Variants in RBFOX1 observed in about 807,000 individuals in gnomAD.
RBFOX1 encodes RNA binding protein fox-1 homolog 1.
RBFOX1 carries 8 observed loss-of-function variants against 57.7 expected under a neutral mutation model. The observed-to-expected ratio is 0.14, with a 90% CI of 0.08 to 0.25. The LOEUF (loss-of-function observed/expected upper bound fraction) is 0.25. RBFOX1 is among the 10% of genes least tolerant of loss of function. The probability of loss-of-function intolerance (pLI) is 1.00; values close to 1 mark genes in which losing one functional copy is unlikely to be tolerated. For missense variants in RBFOX1, 611 were observed against 548.5 expected (o/e 1.11, Z -1.14); for synonymous variants, 326 against 222.4 (o/e 1.47, Z -4.15).
chr16:6,815,058 C>A (rs926568681), intron 3 of RBFOX1, among the ~76,000 whole-genome samples: 6 of 152,214 alleles, frequency 3.9e-5, no homozygotes, highest in African/African-American at 1.2e-4. Flanking sequence ...CATAGTTTTT[C>A]CCGGAAAGCG....
At chr16:7,162,488 G>C (rs921753735) in intron 4 of RBFOX1, among the ~76,000 whole-genome samples, 1 of 151,242 alleles carries the variant, frequency 6.6e-6, no homozygotes, top group Non-Finnish European at 1.5e-5. Flanking sequence ...CCAGCACTTT[G>C]AGAGGTTGAG....
At chr16:6,929,681 G>A (rs1354458203) in intron 3 of RBFOX1, among the ~76,000 whole-genome samples, 2 of 151,626 alleles carry the variant, frequency 1.3e-5, no homozygotes, top group Admixed American at 1.3e-4. Flanking sequence ...TAACTAGTGT[G>A]TTAGAGAATG....
intron 3 of RBFOX1, among the ~76,000 whole-genome samples, chr16:6,807,991 A>G (rs928813238): frequency 6.6e-6 from 1 of 150,488 alleles, no homozygotes; most frequent in Non-Finnish European, 1.5e-5. Flanking sequence ...CTGTATATAT[A>G]TATGCATAGA....
chr16:5,306,768 G>A (rs575128172), intron 1 of RBFOX1, among the ~76,000 whole-genome samples: 2 of 152,330 alleles, frequency 1.3e-5, no homozygotes, highest in South Asian at 4.1e-4. Context: ...ATCTGTTAGA[G>A]TCCCAGTCTG....
At chr16:6,281,948 C>T (rs2076418645) in intron 1 of RBFOX1, among the ~76,000 whole-genome samples, 3 of 151,994 alleles carry the variant, frequency 2.0e-5, no homozygotes, top group South Asian at 2.1e-4. Flanking sequence ...AAAATTAGGC[C>T]GTACTGCACA....
Position 7,677,440 on chromosome 16 carries a change from C to T in RBFOX1, c.995+602C>T, listed in dbSNP as rs74011981. Among the ~76,000 whole-genome samples, 215 of 152,146 alleles carry T rather than the reference C, an allele frequency of 1.4e-3. 3 individuals are homozygous for T. Among genetic ancestry groups the T allele is most frequent in the African/African-American group, 5.0e-3 (206 of 41,518 alleles). On this transcript the variant is annotated intron_variant, in intron 14 of 15. Coordinates refer to ENST00000550418, the MANE Select transcript of RBFOX1 (RefSeq NM_018723.4). Reference sequence around the variant, plus strand: ...GCCAGCTTTTATTTGTAATGTACACCACATGTTAAGGCAGGCAGTGGAAGG... The same window carrying T: ...GCCAGCTTTTATTTGTAATGTACACTACATGTTAAGGCAGGCAGTGGAAGG...
intron 1 of RBFOX1, among the ~76,000 whole-genome samples, chr16:6,239,361 T>C (rs940910673): frequency 5.9e-5 from 9 of 152,064 alleles, no homozygotes; most frequent in African/African-American, 2.2e-4. Context: ...GGAGAGTATA[T>C]GGTCAGTAAA....
At position 5,887,304 on chromosome 16, in the gene RBFOX1, C is replaced by G. The variant is rs776570616; in HGVS notation, c.351+19969C>G. 2.6e-5 allele frequency among the ~76,000 whole-genome samples: 4 copies of G among 152,182 alleles called. No homozygotes were observed. The East Asian group carries it at 7.7e-4, about 29-fold the overall frequency. ...ACCACAGCAGCCCCAGTGAATGTAA[C>G]AACTAGAAATGATGCAACTTTTCTC... On this transcript the variant is annotated intron_variant, in intron 4 of 19. Coordinates refer to the RBFOX1 transcript ENST00000641259.
At chr16:6,958,025 T>C (rs2082227846) in intron 3 of RBFOX1, among the ~76,000 whole-genome samples, 1 of 152,110 alleles carries the variant, frequency 6.6e-6, no homozygotes, top group African/African-American at 2.4e-5. Context: ...GGGGTGAGAA[T>C]ACCAGGAGGC....
intron 3 of RBFOX1, among the ~76,000 whole-genome samples, chr16:6,686,502 G>T (rs2059456385): frequency 6.6e-6 from 1 of 152,170 alleles, no homozygotes. Context: ...TTTAAGTTCT[G>T]TGAAATTGGT....
chr16:6,495,047 G>C (rs991830569), intron 2 of RBFOX1, among the ~76,000 whole-genome samples: 4 of 152,160 alleles, frequency 2.6e-5, no homozygotes, highest in Non-Finnish European at 5.9e-5. Context: ...TCACCACTTA[G>C]AGGTAGTCGG....
At chr16:7,288,036 G>T (rs925433511) in intron 4 of RBFOX1, among the ~76,000 whole-genome samples, 1 of 152,110 alleles carries the variant, frequency 6.6e-6, no homozygotes, top group Non-Finnish European at 1.5e-5. Flanking sequence ...TTTTCCTCAT[G>T]TTCTGTAGAA....
chr16:5,724,024 A>AG (rs34791502), intron 3 of RBFOX1, among the ~76,000 whole-genome samples: 66,675 of 152,046 alleles, frequency 0.44, 18,145 homozygotes, highest in East Asian at 0.8. Flanking sequence ...ATGTTAGCAA[A>AG]CCATTTGTGT....
chr16:5,327,156 A>G (rs1225791969), intron 1 of RBFOX1, among the ~76,000 whole-genome samples: 1 of 152,210 alleles, frequency 6.6e-6, no homozygotes, highest in Non-Finnish European at 1.5e-5. Context: ...TGATCATTGA[A>G]TAGGTTTTCA....
At chr16:6,847,652 G>A (rs576272246) in intron 3 of RBFOX1, among the ~76,000 whole-genome samples, 4 of 152,164 alleles carry the variant, frequency 2.6e-5, no homozygotes, top group South Asian at 2.1e-4. Flanking sequence ...TAATTCAGTC[G>A]ACCACAGCAT....
intron 2 of RBFOX1, among the ~76,000 whole-genome samples, chr16:6,565,685 G>C (rs1225806061): frequency 2.0e-5 from 3 of 152,008 alleles, no homozygotes; most frequent in Non-Finnish European, 4.4e-5. Context: ...AGCCAGGATG[G>C]TCTCGATCTC....
chr16:5,789,521 A>G (rs1053618480), intron 3 of RBFOX1, among the ~76,000 whole-genome samples: 6 of 152,142 alleles, frequency 3.9e-5, no homozygotes, highest in African/African-American at 1.4e-4. Context: ...AGGGCATTTA[A>G]CGTGTTAGTT....
intron 2 of RBFOX1, among the ~76,000 whole-genome samples, chr16:6,496,897 T>A (rs1204094921): frequency 1.3e-5 from 2 of 151,862 alleles, no homozygotes; most frequent in Non-Finnish European, 2.9e-5. Flanking sequence ...GAGGTGGAGA[T>A]TGTGGTGAGC....
At chr16:7,669,246 G>A (rs1568373724) in intron 13 of RBFOX1, among the ~76,000 whole-genome samples, 1 of 152,076 alleles carries the variant, frequency 6.6e-6, no homozygotes, top group Admixed American at 6.5e-5. Flanking sequence ...TGACCAAGGA[G>A]TGGAAAACAA....
Sources: allele counts gnomAD v4.1 joint callset (sites outside exome capture counted in the v4.1 genomes callset), GRCh38; gene constraint gnomAD v4.1.1; transcripts MANE v1.5; gene names NCBI Gene and HGNC (gene_info 2026-07-23, HGNC 2026-07-21).